Variants in TBC1D1 observed in about 807,000 individuals in gnomAD.
TBC1D1 encodes the protein TBC1 domain family member 1, also known as TBC1 (tre-2/USP6, BUB2, cdc16) domain family, member 1.
Under a neutral mutation model 125.6 loss-of-function variants are expected in TBC1D1, and 89 were observed. The ratio of observed to expected loss-of-function variants is 0.71; its 90% CI spans 0.60 to 0.85. The LOEUF (loss-of-function observed/expected upper bound fraction) is 0.85. TBC1D1 is among the 40% of genes least tolerant of loss of function. The pLI is 0.00. For missense variants in TBC1D1, 1,377 were observed against 1,469.2 expected (o/e 0.94, Z 1.03); for synonymous variants, 565 against 564.1 (o/e 1.00, Z -0.02).
rs1718362247 is a variant in TBC1D1 at position 37,910,527 on chromosome 4, TA to T, written c.417+8020del. 2.6e-5 allele frequency among the ~76,000 whole-genome samples: 4 copies of T among 152,218 alleles called. No homozygotes were observed. The South Asian group carries it at 8.3e-4, about 32-fold the overall frequency. ...TTTTACTTATTTCATTTTTACCTTT[TA>T]AAAATATGCTTACTAACAGAAAGAT... On this transcript the variant is annotated intron_variant, in intron 2 of 19. Coordinates refer to ENST00000261439, the MANE Select transcript of TBC1D1 (RefSeq NM_015173.4).
chr4:37,999,980 G>A (rs1480689693), intron 2 of TBC1D1, among the ~76,000 whole-genome samples: 2 of 152,166 alleles, frequency 1.3e-5, no homozygotes, highest in African/African-American at 2.4e-5. Flanking sequence ...TATTGATGAA[G>A]AATTTATACT....
At position 38,014,893 on chromosome 4, in the gene TBC1D1, G is replaced by A. The variant is rs1285433059; in HGVS notation, c.802G>A (p.Asp268Asn). Residue 268 changes from aspartate (D) to asparagine (N), a missense_variant, in exon 3 of 20, where the codon GAC becomes AAC. Physicochemically the swap from Asp to Asn is conservative, Grantham distance 23. Coordinates refer to ENST00000261439, the MANE Select transcript of TBC1D1 (RefSeq NM_015173.4). This position sits in a 1 kb window ranked among gnomAD's most constrained non-coding sequence, Gnocchi z 5.1. ...CTTCTTCAGCTCCTTCGAGGAGAGC[G>A]ACATTGAGAACCACCTCATTAGCGG... 1 of 1,603,724 alleles carries A rather than the reference G, an allele frequency of 6.2e-7. No homozygotes were observed. The highest frequency in any genetic ancestry group is 1.1e-5 in the South Asian group (1 of 90,730).
At chr4:38,105,371 C>T (rs982724965) in intron 15 of TBC1D1, among the ~76,000 whole-genome samples, 20 of 152,242 alleles carry the variant, frequency 1.3e-4, no homozygotes, top group African/African-American at 3.4e-4. Context: ...AGACAGGTTA[C>T]GTAACTTGCT....
intron 2 of TBC1D1, among the ~76,000 whole-genome samples, chr4:37,985,334 TG>T (rs1735227609): frequency 6.6e-6 from 1 of 152,228 alleles, no homozygotes; most frequent in Non-Finnish European, 1.5e-5. Flanking sequence ...ATTTTGTTGT[TG>T]GAAGAGTGGT....
At chr4:37,954,978 A>AT (rs1308446342) in intron 2 of TBC1D1, among the ~76,000 whole-genome samples, 9 of 139,484 alleles carry the variant, frequency 6.5e-5, no homozygotes, top group South Asian at 4.6e-4. Flanking sequence ...TTAGCAGTAG[A>AT]TTTTTTTAAA....
chr4:37,929,854 C>T (rs189460100), intron 2 of TBC1D1, among the ~76,000 whole-genome samples: 1 of 152,034 alleles, frequency 6.6e-6, no homozygotes, highest in East Asian at 1.9e-4. Context: ...ATGCTAAAGC[C>T]TCTTAGGGAG....
chr4:38,137,283 AGCCCAGCGACCGGGAGC>A lies in TBC1D1; in HGVS notation c.3456_3472del (p.Glu1152AspfsTer2). 1 of 1,611,588 alleles carries A rather than the reference AGCCCAGCGACCGGGAGC, an allele frequency of 6.2e-7. No individual in the cohort carries two copies. On this transcript the variant is annotated frameshift_variant, in exon 20 of 20. Transcript: ENST00000261439. LOFTEE classifies it low-confidence loss of function (END_TRUNC). ...GAGGAGCTGCGGCGGCGGAGCGCAGAGCCCAGCGACCGGGAGCCTGAGTGCACGCAGCCCGAGCCCAC... is the reference window on the plus strand; with the variant it reads ...GAGGAGCTGCGGCGGCGGAGCGCAGACTGAGTGCACGCAGCCCGAGCCCAC...
chr4:38,115,893 A>G lies in TBC1D1; in HGVS notation c.2741A>G (p.Lys914Arg). ...GAGGAAGAGGCGTTTAAAATGCTCA[A>G]GTTTCTGATGTTTGACATGGGGCTG... Residue 914 changes from lysine (K) to arginine (R), a missense_variant, in exon 16 of 20, where the codon AAG (lysine) becomes AGG (arginine). Lys to Arg is a conservative substitution (Grantham distance 26). Transcript: ENST00000261439. 1.2e-6 allele frequency: 2 copies of G among 1,614,206 alleles called. No individual in the cohort carries two copies. The highest frequency in any genetic ancestry group is 1.7e-6 in the Non-Finnish European group (2 of 1,180,026).
At chr4:37,983,007 G>T (rs1269767070) in intron 2 of TBC1D1, among the ~76,000 whole-genome samples, 1 of 152,186 alleles carries the variant, frequency 6.6e-6, no homozygotes, top group African/African-American at 2.4e-5. Context: ...ACTGCTGGGG[G>T]GAGTAGCAGA....
At chr4:38,071,685 C>T (rs1180646176) in intron 12 of TBC1D1, among the ~76,000 whole-genome samples, 2 of 152,162 alleles carry the variant, frequency 1.3e-5, no homozygotes, top group African/African-American at 4.8e-5. Context: ...GGTTCTGTCT[C>T]TGTAGTCCTT....
intron 2 of TBC1D1, among the ~76,000 whole-genome samples, chr4:37,926,657 T>C (rs375159304): frequency 6.6e-6 from 1 of 152,220 alleles, no homozygotes; most frequent in Non-Finnish European, 1.5e-5. Flanking sequence ...GAACTCTTAC[T>C]GTCCAAACCT....
intron 13 of TBC1D1, among the ~76,000 whole-genome samples, chr4:38,091,080 C>T (rs1446295814): frequency 6.6e-6 from 1 of 152,176 alleles, no homozygotes; most frequent in Non-Finnish European, 1.5e-5. Flanking sequence ...CTGTGCATGT[C>T]CCTACAATGC....
At chr4:38,035,157 C>T (rs966912983) in intron 7 of TBC1D1, among the ~76,000 whole-genome samples, 3 of 152,138 alleles carry the variant, frequency 2.0e-5, no homozygotes, top group Admixed American at 1.3e-4. Context: ...GAGTGCTTCA[C>T]GGTGAACACA....
At position 38,118,181 on chromosome 4, in the gene TBC1D1, C is replaced by T. The variant is rs1434546048; in HGVS notation, c.2951C>T (p.Ala984Val). ...TCACAGTTCCCGCTGGGATTCGTAG[C>T]CAGAGTCTTTGGTGAGCATTAGTAA... Residue 984 changes from alanine to valine, a missense_variant, in exon 17 of 20, where the codon GCC (alanine) becomes GTC (valine). Ala to Val is a moderately conservative substitution (Grantham distance 64). Around this residue, in one of 3 missense-constraint regions of TBC1D1, gnomAD observed 543 missense variants for 613.5 expected, o/e 0.89. Transcript: ENST00000261439. 3.1e-6 allele frequency: 5 copies of T among 1,614,096 alleles called. No individual in the cohort carries two copies. Among genetic ancestry groups the T allele is most frequent in the African/African-American group, 2.7e-5 (2 of 74,936 alleles).
chr4:38,134,293 G>A (rs185091807), intron 19 of TBC1D1, among the ~76,000 whole-genome samples: 8 of 152,214 alleles, frequency 5.3e-5, no homozygotes, highest in Admixed American at 1.3e-4. Context: ...TCCTCCCAGC[G>A]GGCATTCCAT....
At chr4:37,947,632 T>TTTTG (rs993645625) in intron 2 of TBC1D1, among the ~76,000 whole-genome samples, 1 of 152,122 alleles carries the variant, frequency 6.6e-6, no homozygotes, top group Non-Finnish European at 1.5e-5. Context: ...ATTAAAAAAA[T>TTTTG]TTTGTTTGTG....
chr4:37,929,061 A>G lies in TBC1D1; in HGVS notation c.417+26549A>G, dbSNP rs1722731319. Among the ~76,000 whole-genome samples, 3 of 152,316 alleles carry G rather than the reference A, an allele frequency of 2.0e-5. No homozygotes were observed. The South Asian group carries it at 6.2e-4, about 32-fold the overall frequency. On this transcript the variant is annotated intron_variant, in intron 2 of 19. Coordinates refer to ENST00000261439, the MANE Select transcript of TBC1D1 (RefSeq NM_015173.4). Reference sequence around the variant, plus strand: ...TCTTTGTTGGTGCTCTAAATGTGTCATGATGAAATTGCAAGACGGTTCAAT... The same window carrying G: ...TCTTTGTTGGTGCTCTAAATGTGTCGTGATGAAATTGCAAGACGGTTCAAT...
chr4:38,046,750 C>T (rs1170978623), intron 10 of TBC1D1, among the ~76,000 whole-genome samples: 1 of 152,200 alleles, frequency 6.6e-6, no homozygotes, highest in Non-Finnish European at 1.5e-5. Flanking sequence ...CTATGTCCTT[C>T]TTTTAATAAC....
intron 2 of TBC1D1, among the ~76,000 whole-genome samples, chr4:37,928,184 G>A (rs537142636): frequency 6.6e-6 from 1 of 152,294 alleles, no homozygotes; most frequent in African/African-American, 2.4e-5. Flanking sequence ...CTGGCATATA[G>A]TTGGAACTAC....
Sources: allele counts gnomAD v4.1 joint callset (sites outside exome capture counted in the v4.1 genomes callset), GRCh38; gene constraint gnomAD v4.1.1; regional missense constraint gnomAD v4.1.1; non-coding constraint Gnocchi (gnomAD v3.1); transcripts MANE v1.5; gene names NCBI Gene and HGNC (gene_info 2026-07-23, HGNC 2026-07-21).